The following WASF2 variants were observed in gnomAD, a reference collection of about 807,000 sequenced individuals.
WASF2 encodes actin-binding protein WASF2.
WASF2 carries 14 observed loss-of-function variants against 45.0 expected under a neutral mutation model. The ratio of observed to expected loss-of-function variants is 0.31; its 90% CI spans 0.21 to 0.49. The LOEUF (loss-of-function observed/expected upper bound fraction) is 0.49, where lower values mean the gene tolerates loss of function less well. Among genes scored for constraint, WASF2 ranks in the 20% least tolerant of loss-of-function variants. The pLI is 0.99. For missense variants in WASF2, 439 were observed against 636.1 expected, an observed-to-expected ratio of 0.69 and a Z score of 3.33; for synonymous variants, 200 against 236.3, an observed-to-expected ratio of 0.85 and a Z score of 1.41.
chr1:27,479,211 G>A (rs1306398893), intron 1 of WASF2, among the ~76,000 whole-genome samples: 5 of 151,846 alleles, frequency 3.3e-5, no homozygotes, highest in Admixed American at 1.3e-4. Flanking sequence ...GCTTGAACCC[G>A]GGAGGCGGAG....
chr1:27,409,678 C>A lies in WASF2; in HGVS notation c.1339+14G>T. 6.7e-7 allele frequency: 1 copy of A among 1,490,744 alleles called. No individual in the cohort carries two copies. The highest frequency in any genetic ancestry group is 8.9e-7 in the Non-Finnish European group (1 of 1,119,584). 92.3% of individuals were successfully genotyped at this position (1,490,744 alleles called of 1,614,324 possible). On this transcript the variant is annotated intron_variant, in intron 8 of 8. Transcript: ENST00000618852. ...ACAAGGCTCCACAGTCCCAAACCCA[C>A]CATTGAAATTTACCTTGACGGATGG...
At chr1:27,461,239 A>T (rs747466258) in intron 1 of WASF2, among the ~76,000 whole-genome samples, 12 of 152,302 alleles carry the variant, frequency 7.9e-5, no homozygotes, top group Non-Finnish European at 1.2e-4. Context: ...ATTACAAAGA[A>T]TTCTCATATA....
chr1:27,421,168 G>A (rs552197766), intron 2 of WASF2, among the ~76,000 whole-genome samples: 4 of 152,274 alleles, frequency 2.6e-5, no homozygotes, highest in Non-Finnish European at 4.4e-5. Flanking sequence ...ACTATGGGAC[G>A]CTCCTGAGCT....
chr1:27,411,491 T>G (rs2016759532), intron 7 of WASF2, among the ~76,000 whole-genome samples: 1 of 152,200 alleles, frequency 6.6e-6, no homozygotes, highest in Admixed American at 6.5e-5. Context: ...CTATGCTAGG[T>G]TCCTAGACAA....
intron 2 of WASF2, among the ~76,000 whole-genome samples, 172 bp downstream of exon 2, chr1:27,428,586 GAGA>G (rs1295974337): frequency 6.6e-6 from 1 of 152,214 alleles, no homozygotes; most frequent in Admixed American, 6.5e-5. Context: ...GAAGGTTGAA[GAGA>G]AGAAGCTACA....
At chr1:27,451,700 G>A (rs77655036) in intron 1 of WASF2, among the ~76,000 whole-genome samples, 105 of 152,290 alleles carry the variant, frequency 6.9e-4, no homozygotes, top group African/African-American at 2.5e-3. Flanking sequence ...TACAGAACAG[G>A]AGAGTTGCAA....
intron 1 of WASF2, among the ~76,000 whole-genome samples, chr1:27,467,237 AAC>A (rs949862642): frequency 3.4e-4 from 50 of 148,322 alleles, no homozygotes; most frequent in African/African-American, 8.8e-4. Flanking sequence ...AAAAAACCAA[AAC>A]ACACACACAC....
chr1:27,472,867 G>A (rs1176137623), intron 1 of WASF2, among the ~76,000 whole-genome samples: 2 of 149,830 alleles, frequency 1.3e-5, no homozygotes, highest in African/African-American at 4.9e-5. Context: ...AGCTACTTAG[G>A]AGGCTGAGGT....
chr1:27,429,016 T>C lies in WASF2; in HGVS notation c.-43-83A>G, dbSNP rs926813770. The stretch of plus-strand genomic sequence containing the variant: ...CTGTGTGAATCTTTTTTTTTTTTTT[T>C]TTTGGTCTTACCCTGATCTAAAACA... On this transcript the variant is annotated intron_variant, in intron 1 of 8. Coordinates refer to ENST00000618852, the MANE Select transcript of WASF2 (RefSeq NM_006990.5). 8 of 1,248,316 alleles carry C rather than the reference T, an allele frequency of 6.4e-6. No individual in the cohort carries two copies. In the African/African-American group the frequency reaches 9.2e-5, roughly 14 times the overall value. 77.3% of individuals were successfully genotyped at this position (1,248,316 alleles called of 1,614,324 possible).
chr1:27,488,051 A>G (rs149334684), intron 1 of WASF2, among the ~76,000 whole-genome samples: 22 of 152,038 alleles, frequency 1.4e-4, no homozygotes, highest in African/African-American at 4.3e-4. Flanking sequence ...AAAGTTTCAC[A>G]GTTCTTTCCT....
chr1:27,414,479 C>T lies in WASF2; in HGVS notation c.668+354G>A, dbSNP rs150907291. On this transcript the variant is annotated intron_variant, in intron 6 of 8. Coordinates refer to ENST00000618852, the MANE Select transcript of WASF2 (RefSeq NM_006990.5). The surrounding 1 kb of genome is among the most constrained non-coding windows in gnomAD (Gnocchi z 4.1). ...TGAAATGCCCAGTTCTTAGGCATGA[C>T]CTTCAAATCAATGCTCTGGAGGCAA... Among the ~76,000 whole-genome samples the T allele has an allele frequency of 6.6e-6, 1 of 152,088 alleles. No homozygotes were observed. The highest frequency in any genetic ancestry group is 2.4e-5 in the African/African-American group (1 of 41,406).
chr1:27,446,690 T>C (rs1571143435), intron 1 of WASF2, among the ~76,000 whole-genome samples: 1 of 148,826 alleles, frequency 6.7e-6, no homozygotes, highest in East Asian at 2.0e-4. Flanking sequence ...CTGAGGTGGG[T>C]GGATCGCTTG....
At chr1:27,430,166 G>C (rs1236806613) in intron 1 of WASF2, among the ~76,000 whole-genome samples, 7 of 152,198 alleles carry the variant, frequency 4.6e-5, no homozygotes, top group African/African-American at 1.4e-4. Context: ...ACAAGGATAG[G>C]AGAGGGTTTT....
intron 1 of WASF2, among the ~76,000 whole-genome samples, chr1:27,448,841 CAAAAA>C (rs11371995): frequency 1.5e-5 from 1 of 67,050 alleles, no homozygotes; most frequent in Admixed American, 1.8e-4. Flanking sequence ...GACCTCATCT[CAAAAA>C]AAAAAAAAAA....
chr1:27,471,154 C>A (rs2017682652), intron 1 of WASF2, among the ~76,000 whole-genome samples: 1 of 151,996 alleles, frequency 6.6e-6, no homozygotes, highest in African/African-American at 2.4e-5. Context: ...ACCATCCCGG[C>A]TAAAAACAGT....
At chr1:27,464,425 TATC>T (rs1395411870) in intron 1 of WASF2, among the ~76,000 whole-genome samples, 1 of 152,128 alleles carries the variant, frequency 6.6e-6, no homozygotes, top group African/African-American at 2.4e-5. Flanking sequence ...ATTCAATAAA[TATC>T]ATTTGATTAA....
At chr1:27,469,696 C>G (rs906307120) in intron 1 of WASF2, among the ~76,000 whole-genome samples, 2 of 152,124 alleles carry the variant, frequency 1.3e-5, no homozygotes, top group Non-Finnish European at 2.9e-5. Context: ...AATCCCAGCA[C>G]TTCGGGAGGC....
At chr1:27,423,922 C>A (rs1359376575) in intron 2 of WASF2, among the ~76,000 whole-genome samples, 2 of 152,102 alleles carry the variant, frequency 1.3e-5, no homozygotes, top group Non-Finnish European at 2.9e-5. Flanking sequence ...AACCCAATAT[C>A]TAGCTTGATT....
chr1:27,443,310 A>T, intron 1 of WASF2, among the ~76,000 whole-genome samples: 1 of 127,740 alleles, frequency 7.8e-6, no homozygotes, highest in Admixed American at 7.4e-5. Context: ...CGTCTCTTAA[A>T]AAAAAAAAAA....
Sources: gnomAD v4.1 joint callset for allele counts (sites outside exome capture counted in the v4.1 genomes callset) on GRCh38, gnomAD v4.1.1 for gene constraint, Gnocchi (gnomAD v3.1) non-coding constraint, MANE v1.5 for transcripts, NCBI Gene and HGNC (gene_info 2026-07-23, HGNC 2026-07-21) for gene names.